Variants in SNTG2 observed in about 807,000 individuals in gnomAD.
SNTG2 encodes the protein gamma-2-syntrophin.
SNTG2 carries 74 observed loss-of-function variants against 70.9 expected under a neutral mutation model. The observed-to-expected ratio is 1.04, with a 90% CI of 0.86 to 1.27. The LOEUF is 1.27. SNTG2 is among the 50% of genes most tolerant of loss of function. The probability of loss-of-function intolerance (pLI) is 0.00; values close to 1 mark genes in which losing one functional copy is unlikely to be tolerated. For synonymous variants in SNTG2, 278 were observed against 273.8 expected (o/e 1.02, Z -0.15); for missense variants, 717 against 690.7 (o/e 1.04, Z -0.43).
intron 1 of SNTG2, among the ~76,000 whole-genome samples, chr2:988,876 A>T (rs998440503): frequency 6.6e-6 from 1 of 152,212 alleles, no homozygotes; most frequent in Admixed American, 6.5e-5. Context: ...ATCTATGAAC[A>T]TAATACATTT....
chr2:1,055,287 G>A (rs1282100446), intron 1 of SNTG2, among the ~76,000 whole-genome samples: 1 of 152,350 alleles, frequency 6.6e-6, no homozygotes, highest in Non-Finnish European at 1.5e-5. Flanking sequence ...GCTTGGGGCC[G>A]CTCTGCTCGG....
intron 11 of SNTG2, among the ~76,000 whole-genome samples, chr2:1,243,981 G>C (rs911548549): frequency 6.6e-6 from 1 of 152,164 alleles, no homozygotes; most frequent in Non-Finnish European, 1.5e-5. Flanking sequence ...AGCCAAGAGC[G>C]TGCCACTGCA....
chr2:1,291,104 G>T (rs1679971987), intron 14 of SNTG2, among the ~76,000 whole-genome samples: 1 of 152,148 alleles, frequency 6.6e-6, no homozygotes, highest in Non-Finnish European at 1.5e-5. Flanking sequence ...TCTAATCACT[G>T]GTGATGTTGG....
At chr2:1,220,558 C>G (rs1336151661) in intron 9 of SNTG2, among the ~76,000 whole-genome samples, 2 of 152,250 alleles carry the variant, frequency 1.3e-5, no homozygotes, top group African/African-American at 2.4e-5. Context: ...CCCCACAGCC[C>G]TGCTGGCTGC....
chr2:1,157,535 G>A (rs1013254067), intron 6 of SNTG2, among the ~76,000 whole-genome samples: 1 of 152,198 alleles, frequency 6.6e-6, no homozygotes, highest in Non-Finnish European at 1.5e-5. Flanking sequence ...ACATCCATAA[G>A]TAGGTTCCTT....
chr2:1,256,694 C>T (rs2148158309), intron 12 of SNTG2: 1 of 152,272 alleles, frequency 6.6e-6, no homozygotes, highest in East Asian at 1.9e-4. Context: ...GAAGCATTCA[C>T]ATCACATCCA....
At chr2:1,131,644 T>G (rs991229174) in intron 4 of SNTG2, among the ~76,000 whole-genome samples, 2 of 151,912 alleles carry the variant, frequency 1.3e-5, no homozygotes, top group Non-Finnish European at 2.9e-5. Flanking sequence ...TCCTTTTTCT[T>G]TTTTTTTCTT....
At chr2:1,058,228 A>C (rs924240807) in intron 1 of SNTG2, among the ~76,000 whole-genome samples, 1 of 152,176 alleles carries the variant, frequency 6.6e-6, no homozygotes, top group East Asian at 1.9e-4. Context: ...AAAAAAGATA[A>C]TGAATGGAGA....
intron 2 of SNTG2, among the ~76,000 whole-genome samples, chr2:1,085,429 A>C (rs1476853105): frequency 6.6e-6 from 1 of 152,252 alleles, no homozygotes; most frequent in Non-Finnish European, 1.5e-5. Flanking sequence ...GTATAGACTT[A>C]TGCGTACAGT....
chr2:973,236 A>G (rs997347730), intron 1 of SNTG2, among the ~76,000 whole-genome samples: 2 of 152,194 alleles, frequency 1.3e-5, no homozygotes, highest in Non-Finnish European at 2.9e-5. Context: ...TGTGATGCTG[A>G]TCTGTTGCCA....
At chr2:1,242,376 C>T (rs1051051158) in intron 11 of SNTG2, among the ~76,000 whole-genome samples, 3 of 151,946 alleles carry the variant, frequency 2.0e-5, no homozygotes, top group Non-Finnish European at 4.4e-5. Context: ...GTTTAACAAC[C>T]ACTGAAATTG....
At chr2:1,188,992 GA>G (rs1321020499) in intron 8 of SNTG2, among the ~76,000 whole-genome samples, 2 of 151,842 alleles carry the variant, frequency 1.3e-5, no homozygotes, top group African/African-American at 4.8e-5. Flanking sequence ...ACTATGACAA[GA>G]AAAAACAACA....
chr2:951,212 G>A (rs1659947087), intron 1 of SNTG2, 144 bp downstream of exon 1: 1 of 412,448 alleles, frequency 2.4e-6, no homozygotes, highest in Non-Finnish European at 4.1e-6. Context: ...GCCGGAGGGT[G>A]GGCGCCGGAG....
intron 1 of SNTG2, among the ~76,000 whole-genome samples, chr2:967,740 C>T (rs1660616305): frequency 1.3e-5 from 2 of 152,156 alleles, no homozygotes; most frequent in Non-Finnish European, 2.9e-5. Flanking sequence ...TAGAAAGTGT[C>T]TTTTTGTGCC....
At chr2:1,340,963 G>C (rs1295183185) in intron 16 of SNTG2, 1 of 152,144 alleles carries the variant, frequency 6.6e-6, no homozygotes, top group Non-Finnish European at 1.5e-5. Flanking sequence ...TGTTTAAATT[G>C]TGCCAGAGTT....
At chr2:1,257,104 C>A (rs1230452024) in intron 12 of SNTG2, among the ~76,000 whole-genome samples, 1 of 152,096 alleles carries the variant, frequency 6.6e-6, no homozygotes, top group African/African-American at 2.4e-5. Flanking sequence ...TACATTGTCA[C>A]AGCCAGGAGC....
At chr2:1,363,158 A>G (rs1018112009) in intron 16 of SNTG2, among the ~76,000 whole-genome samples, 2 of 146,166 alleles carry the variant, frequency 1.4e-5, no homozygotes, top group African/African-American at 5.0e-5. Flanking sequence ...AACCATGAAT[A>G]TTTACCTGAT....
At chr2:1,150,223 A>G (rs562385212) in intron 6 of SNTG2, among the ~76,000 whole-genome samples, 1 of 152,310 alleles carries the variant, frequency 6.6e-6, no homozygotes, top group East Asian at 1.9e-4. Flanking sequence ...TCATAGTTCT[A>G]GTGTTCTAAC....
rs534794219 is a variant in SNTG2 at position 1,109,758 on chromosome 2, C to T, written c.325+11348C>T. ...AATAATTTAATAAATAATAATGCTT[C>T]GTAAGAATTTATCTGTAAGATAGGC... On this transcript the variant is annotated intron_variant, in intron 4 of 16. Transcript: ENST00000308624. Among the ~76,000 whole-genome samples the T allele has an allele frequency of 3.5e-4, 54 of 152,210 alleles. 2 individuals carry two copies. The highest frequency in any genetic ancestry group is 1.2e-3 in the African/African-American group (50 of 41,526).
Sources: gnomAD v4.1 joint callset for allele counts (sites outside exome capture counted in the v4.1 genomes callset) on GRCh38, gnomAD v4.1.1 for gene constraint, MANE v1.5 for transcripts, NCBI Gene and HGNC (gene_info 2026-07-23, HGNC 2026-07-21) for gene names.